UVSSA: variants seen among roughly 807,000 people sequenced by gnomAD.
UVSSA encodes the protein UV-stimulated scaffold protein A.
Under a neutral mutation model 73.9 loss-of-function variants are expected in UVSSA, and 72 were observed. That is an observed-to-expected ratio of 0.97 (90% confidence interval 0.81 to 1.19). UVSSA has a LOEUF of 1.19. UVSSA is among the 50% of genes most tolerant of loss of function. UVSSA has a pLI of 0.00. For synonymous variants in UVSSA, 454 were observed against 391.3 expected (o/e 1.16, Z -1.89); for missense variants, 1,150 against 965.0 (o/e 1.19, Z -2.54).
chr4:1,376,876 G>GT (rs1441881152), intron 10 of UVSSA, among the ~76,000 whole-genome samples: 1 of 152,222 alleles, frequency 6.6e-6, no homozygotes, highest in African/African-American at 2.4e-5. Flanking sequence ...CCAAGGCTGT[G>GT]TCCTGGGATG....
At chr4:1,342,366 G>A (rs1713462583), upstream of UVSSA, among the ~76,000 whole-genome samples, 3 of 152,158 alleles carry the variant, frequency 2.0e-5, no homozygotes, top group South Asian at 4.1e-4. Flanking sequence ...TGCGCTGATT[G>A]TAATTTACAT....
chr4:1,356,722 C>T (rs997919664), intron 7 of UVSSA: 3 of 152,332 alleles, frequency 2.0e-5, no homozygotes, highest in African/African-American at 7.2e-5. Flanking sequence ...TCACTGTTGC[C>T]TAGTGGGCTG....
At chr4:1,352,894 G>A in intron 4 of UVSSA, 136 bp from the exon 5 acceptor site, 2 of 1,229,796 alleles carry the variant, frequency 1.6e-6, no homozygotes, top group Admixed American at 2.7e-5. Context: ...GGGGTGAGCT[G>A]TGATTGCACC....
rs1460799594 is a variant in UVSSA, at chr4:1,380,243, C to T, written c.1752+13C>T. Reference sequence around the variant, plus strand: ...AGACCGGCTGAAGGTGAGGCCGTGGCCCGAGGGCGGGGGTGGGTGTGGGCT... The same window carrying T: ...AGACCGGCTGAAGGTGAGGCCGTGGTCCGAGGGCGGGGGTGGGTGTGGGCT... On this transcript the variant is annotated intron_variant, in intron 11 of 13. Transcript: ENST00000389851. 1 of 1,604,960 alleles carries T rather than the reference C, an allele frequency of 6.2e-7. No homozygotes were observed. Among genetic ancestry groups the T allele is most frequent in the African/African-American group, 1.3e-5 (1 of 74,794 alleles).
intron 8 of UVSSA, 104 bp from the exon 9 acceptor site, chr4:1,375,260 T>C (rs1035766181): frequency 3.3e-6 from 5 of 1,534,898 alleles, no homozygotes; most frequent in African/African-American, 1.4e-5. Context: ...TGTTGGAAGA[T>C]GGAACACGCT....
chr4:1,362,467 G>A (rs1474673152), intron 7 of UVSSA, among the ~76,000 whole-genome samples: 1 of 152,250 alleles, frequency 6.6e-6, no homozygotes, highest in African/African-American at 2.4e-5. Flanking sequence ...CTTTATCACA[G>A]GAAACTCGGC....
chr4:1,347,921 G>A, intron 1 of UVSSA, 161 bp downstream of exon 1: 1 of 627,096 alleles, frequency 1.6e-6, no homozygotes, highest in Non-Finnish European at 2.8e-6. Flanking sequence ...CCGCCGTAAA[G>A]GCCTTGCTGG....
chr4:1,351,506 C>T (rs1714740056), intron 3 of UVSSA, among the ~76,000 whole-genome samples: 1 of 151,918 alleles, frequency 6.6e-6, no homozygotes, highest in Non-Finnish European at 1.5e-5. Context: ...CTGCCTCAAT[C>T]TCCCAAGTAG....
chr4:1,361,716 T>C (rs1560450790), intron 7 of UVSSA, among the ~76,000 whole-genome samples: 1 of 152,266 alleles, frequency 6.6e-6, no homozygotes, highest in African/African-American at 2.4e-5. Context: ...AAATAGCAGA[T>C]GCAATGACGA....
chr4:1,383,160 A>G (rs1719699997), intron 12 of UVSSA, among the ~76,000 whole-genome samples: 1 of 152,126 alleles, frequency 6.6e-6, no homozygotes, highest in African/African-American at 2.4e-5. Flanking sequence ...CAGACAATGC[A>G]CGGCTTGCTT....
At chr4:1,395,835 C>T (rs1381506986) in exon 14 of UVSSA, 2 of 1,613,566 alleles carry the variant, frequency 1.2e-6, no homozygotes, top group South Asian at 1.1e-5. Flanking sequence ...TATTTCTCTG[C>T]ACCTCGAGAT....
At position 1,347,478 on chromosome 4, in the gene UVSSA, C is replaced by T. The variant is rs139033323; in HGVS notation, c.-285C>T. 4,408 of 152,470 alleles carry T rather than the reference C, an allele frequency of 0.029. 88 individuals carry two copies. Among genetic ancestry groups the T allele is most frequent in the Middle Eastern group, 0.058 (17 of 292 alleles). 9.4% of individuals were successfully genotyped at this position (152,470 alleles called of 1,614,324 possible). ...ACCCCGCGGTCCAAGCCTCGCGTGG[C>T]CCTGCCGGGCCCCTTCTTTCCCCGA... On this transcript the variant is annotated 5_prime_UTR_variant, in exon 1 of 14. Coordinates refer to ENST00000389851, the MANE Select transcript of UVSSA (RefSeq NM_020894.4).
chr4:1,394,486 G>C (rs1486223925), exon 14 of UVSSA: 1 of 1,612,430 alleles, frequency 6.2e-7, no homozygotes, highest in African/African-American at 1.3e-5. Context: ...ATTTCAAATA[G>C]CTGTCCAGGT....
intron 8 of UVSSA, among the ~76,000 whole-genome samples, chr4:1,369,682 G>T (rs989272978): frequency 2.6e-5 from 4 of 152,208 alleles, no homozygotes; most frequent in South Asian, 2.1e-4. Context: ...TGTCAGCGCT[G>T]GGCAGGCCGC....
Position 1,385,862 on chromosome 4 carries a change from C to T in UVSSA, c.2037-6C>T. On this transcript the variant is annotated splice_polypyrimidine_tract_variant and splice_region_variant and intron_variant, in intron 13 of 13. Coordinates refer to ENST00000389851, the MANE Select transcript of UVSSA (RefSeq NM_020894.4). ...CCAGGTCACATCTTGCCTTGTTTCC[C>T]CACAGGGCAGCTGTGCGGAGGGTAG... 4 of 1,613,944 alleles carry T rather than the reference C, an allele frequency of 2.5e-6. No individual in the cohort carries two copies. Among genetic ancestry groups the T allele is most frequent in the Non-Finnish European group, 3.4e-6 (4 of 1,179,916 alleles).
At chr4:1,348,251 G>A (rs1053105266) in intron 2 of UVSSA, 62 bp downstream of exon 2, 12 of 1,364,984 alleles carry the variant, frequency 8.8e-6, no homozygotes, top group Non-Finnish European at 1.2e-5. Context: ...CACACACAGG[G>A]CCCTGCCCTC....
At chr4:1,371,619 G>A (rs1718046395) in intron 8 of UVSSA, among the ~76,000 whole-genome samples, 1 of 152,224 alleles carries the variant, frequency 6.6e-6, no homozygotes, top group Non-Finnish European at 1.5e-5. Context: ...TGGAAGGCAA[G>A]AAGGAGCAAG....
At chr4:1,348,424 T>C (rs988973436) in intron 2 of UVSSA, among the ~76,000 whole-genome samples, 2 of 152,260 alleles carry the variant, frequency 1.3e-5, no homozygotes, top group East Asian at 3.8e-4. Flanking sequence ...TTCCCATTTG[T>C]GTGGTCTGGA....
At chr4:1,377,092 G>A (rs139410400) in intron 10 of UVSSA, among the ~76,000 whole-genome samples, 6 of 152,298 alleles carry the variant, frequency 3.9e-5, no homozygotes, top group East Asian at 3.9e-4. Flanking sequence ...ATGCGGGAGC[G>A]TCTCATCCGT....
Sources: gnomAD v4.1 joint callset for allele counts (sites outside exome capture counted in the v4.1 genomes callset) on GRCh38, gnomAD v4.1.1 for gene constraint, MANE v1.5 for transcripts, NCBI Gene and HGNC (gene_info 2026-07-23, HGNC 2026-07-21) for gene names.